CALN1: variants seen among roughly 807,000 people sequenced by gnomAD.
CALN1 encodes calneuron 1, also known as calcium-binding protein 8.
CALN1 carries 17 observed loss-of-function variants against 30.6 expected under a neutral mutation model. That is an observed-to-expected ratio of 0.56 (90% CI 0.38 to 0.83). The LOEUF (loss-of-function observed/expected upper bound fraction) is 0.83, where lower values mean the gene tolerates loss of function less well. CALN1 is among the 40% of genes least tolerant of loss of function. The pLI is 0.00. For synonymous variants in CALN1, 156 were observed against 131.4 expected, an observed-to-expected ratio of 1.19 and a Z score of -1.28; for missense variants, 291 against 354.9, an observed-to-expected ratio of 0.82 and a Z score of 1.45.
chr7:72,120,453 T>A (rs942013722), intron 3 of CALN1, among the ~76,000 whole-genome samples: 1 of 152,172 alleles, frequency 6.6e-6, no homozygotes, highest in Non-Finnish European at 1.5e-5. Context: ...ACTCCTATTG[T>A]GGGATATTTA....
chr7:72,254,103 G>C (rs1220272510), intron 3 of CALN1, among the ~76,000 whole-genome samples: 1 of 151,960 alleles, frequency 6.6e-6, no homozygotes, highest in East Asian at 1.9e-4. Flanking sequence ...TGGTGGCTCT[G>C]ACTATTGGGT....
rs3065011 is a variant in CALN1, at chr7:72,058,310, C to CTTTTTTTTTTTTTTT, written c.389-34556_389-34542dup. Among the ~76,000 whole-genome samples, 3 of 70,746 alleles carry CTTTTTTTTTTTTTTT rather than the reference C, an allele frequency of 4.2e-5. 1 individual carries two copies. Among genetic ancestry groups the CTTTTTTTTTTTTTTT allele is most frequent in the Non-Finnish European group, 2.5e-5 (1 of 40,120 alleles). The allele number at this position is 70,746 out of a possible 152,430, so 46.4% of individuals were successfully genotyped here. A position where few individuals can be genotyped will look rare whatever the true frequency, so the allele number is the denominator to read the frequency against. On this transcript the variant is annotated intron_variant, in intron 4 of 6. Transcript: ENST00000395275. ...GCTACAAGCTGCAACAAGCTGGAAT[C>CTTTTTTTTTTTTTTT]TTTTTTTTTTTTTTTTTTTTTTTTT...
At chr7:72,377,996 T>G (rs1201683943) in intron 2 of CALN1, among the ~76,000 whole-genome samples, 1 of 152,034 alleles carries the variant, frequency 6.6e-6, no homozygotes, top group African/African-American at 2.4e-5. Context: ...CCAAAGCATT[T>G]TATTTCCCAG....
At chr7:72,117,188 A>G (rs1808045167) in intron 3 of CALN1, among the ~76,000 whole-genome samples, 1 of 152,148 alleles carries the variant, frequency 6.6e-6, no homozygotes, top group African/African-American at 2.4e-5. Flanking sequence ...GTATTGGTGC[A>G]CACCTGCAGT....
Position 72,205,542 on chromosome 7 carries a change from C to CAA in CALN1, c.244+73142_244+73143dup, listed in dbSNP as rs375314989. ...GTCAGAAGTATTTTTCTCCTGATTG[C>CAA]AAAAAAAAAATATATATATATATAT... is the stretch of plus-strand genomic sequence containing the variant. On this transcript the variant is annotated intron_variant, in intron 3 of 6. Transcript: ENST00000395275. 7.6e-3 allele frequency among the ~76,000 whole-genome samples: 402 copies of CAA among 53,110 alleles called. 45 individuals carry two copies. The highest frequency in any genetic ancestry group is 0.037 in the African/African-American group (364 of 9,826). 34.8% of individuals were successfully genotyped at this position (53,110 alleles called of 152,430 possible). A position where few individuals can be genotyped will look rare whatever the true frequency, so the allele number is the denominator to read the frequency against.
intron 3 of CALN1, among the ~76,000 whole-genome samples, chr7:72,258,921 AAG>A (rs1426157676): frequency 6.6e-6 from 1 of 151,334 alleles, no homozygotes; most frequent in Admixed American, 6.6e-5. Context: ...GAAAGAAAGA[AAG>A]AAAGAAAATT....
chr7:72,173,478 G>A (rs1345688073), intron 3 of CALN1, among the ~76,000 whole-genome samples: 1 of 152,032 alleles, frequency 6.6e-6, no homozygotes. Flanking sequence ...TACATATAAA[G>A]GCTAAATGCT....
At chr7:71,963,362 C>A (rs562715683) in intron 5 of CALN1, among the ~76,000 whole-genome samples, 1 of 147,934 alleles carries the variant, frequency 6.8e-6, no homozygotes, top group South Asian at 2.1e-4. Context: ...AAGGTTTCAC[C>A]ATGTTGGCCA....
At position 72,380,980 on chromosome 7, in the gene CALN1, CAAGAA is replaced by C. The variant is rs1019055061; in HGVS notation, c.119+22266_119+22270del. On this transcript the variant is annotated intron_variant, in intron 2 of 6. Transcript: ENST00000395275. ...AGCATAGTGACAGGGAAGCCACAAACAAGAAAATAAGGAGAGAGGAATGAAACATC... is the reference window on the plus strand; with the variant it reads ...AGCATAGTGACAGGGAAGCCACAAACAATAAGGAGAGAGGAATGAAACATC... 2.6e-5 allele frequency among the ~76,000 whole-genome samples: 4 copies of C among 152,056 alleles called. No homozygotes were observed. The South Asian group carries it at 8.3e-4, about 32-fold the overall frequency.
chr7:71,942,047 A>G (rs1218109445), intron 5 of CALN1, among the ~76,000 whole-genome samples: 2 of 152,012 alleles, frequency 1.3e-5, no homozygotes, highest in African/African-American at 4.8e-5. Flanking sequence ...AAAAATACAA[A>G]AAGTAGCCGG....
the CALN1 span, among the ~76,000 whole-genome samples, chr7:72,497,213 G>A: frequency 1.3e-5 from 2 of 152,204 alleles, no homozygotes; most frequent in African/African-American, 4.8e-5. Context: ...GCCAAAGCGG[G>A]TGGATCACCT....
chr7:72,066,271 A>G (rs1804014599), intron 4 of CALN1, among the ~76,000 whole-genome samples: 1 of 152,166 alleles, frequency 6.6e-6, no homozygotes, highest in South Asian at 2.1e-4. Flanking sequence ...AAACTTTTCA[A>G]CACAATAAAG....
At chr7:72,466,214 C>T in the CALN1 span, among the ~76,000 whole-genome samples, 6 of 152,164 alleles carry the variant, frequency 3.9e-5, no homozygotes, top group East Asian at 7.7e-4. Flanking sequence ...GGAGAACAGA[C>T]CCAACAGACT....
chr7:72,085,587 G>A (rs865833284), intron 4 of CALN1, among the ~76,000 whole-genome samples: 1 of 152,206 alleles, frequency 6.6e-6, no homozygotes, highest in Non-Finnish European at 1.5e-5. Context: ...CTTGGATAAG[G>A]AGGGGTTATT....
chr7:71,996,583 T>G (rs1799263989), intron 5 of CALN1, among the ~76,000 whole-genome samples: 1 of 152,202 alleles, frequency 6.6e-6, no homozygotes. Context: ...TATGTCTGCA[T>G]AGTATTCCGT....
chr7:72,302,461 AG>A (rs1189257700), intron 2 of CALN1, among the ~76,000 whole-genome samples: 1 of 152,170 alleles, frequency 6.6e-6, no homozygotes, highest in African/African-American at 2.4e-5. Flanking sequence ...ATTTACACCC[AG>A]TCAAAATCCA....
intron 2 of CALN1, among the ~76,000 whole-genome samples, chr7:72,387,890 G>C (rs1439513231): frequency 6.6e-6 from 1 of 152,156 alleles, no homozygotes; most frequent in Non-Finnish European, 1.5e-5. Context: ...GGGGAGAATT[G>C]GGGGATAGGG....
intron 2 of CALN1, among the ~76,000 whole-genome samples, chr7:72,296,974 G>A (rs1372034615): frequency 6.6e-6 from 1 of 152,016 alleles, no homozygotes; most frequent in Non-Finnish European, 1.5e-5. Flanking sequence ...TGGATCTTTT[G>A]AATGTGTTTG....
intron 2 of CALN1, among the ~76,000 whole-genome samples, chr7:72,360,582 A>C (rs1803512048): frequency 6.6e-6 from 1 of 151,014 alleles, no homozygotes; most frequent in Non-Finnish European, 1.5e-5. Flanking sequence ...AGAGAAATAA[A>C]TACTGTAACA....
Sources: gnomAD v4.1 joint callset for allele counts (sites outside exome capture counted in the v4.1 genomes callset) on GRCh38, gnomAD v4.1.1 for gene constraint, MANE v1.5 for transcripts, NCBI Gene and HGNC (gene_info 2026-07-23, HGNC 2026-07-21) for gene names.